AOX1: variants seen among roughly 807,000 people sequenced by gnomAD.
The protein encoded by AOX1 is aldehyde oxidase.
AOX1 carries 153 observed loss-of-function variants against 169.5 expected under a neutral mutation model. The ratio of observed to expected loss-of-function variants is 0.90; its 90% CI spans 0.79 to 1.03. The LOEUF (loss-of-function observed/expected upper bound fraction) is 1.03, where lower values mean the gene tolerates loss of function less well. Among genes scored for constraint, AOX1 ranks in the 50% least tolerant of loss-of-function variants. The probability of loss-of-function intolerance (pLI) is 0.00; values close to 1 mark genes in which losing one functional copy is unlikely to be tolerated. For missense variants in AOX1, 1,656 were observed against 1,663.9 expected, an observed-to-expected ratio of 1.00 and a Z score of 0.08; for synonymous variants, 562 against 581.9, an observed-to-expected ratio of 0.97 and a Z score of 0.49.
At chr2:200,645,751 G>A (rs2035441983) in intron 25 of AOX1, among the ~76,000 whole-genome samples, 1 of 152,118 alleles carries the variant, frequency 6.6e-6, no homozygotes, top group African/African-American at 2.4e-5. Context: ...TCTCGCTCTT[G>A]TTATTGGTCT....
At chr2:200,657,992 G>A (rs536112339) in intron 27 of AOX1, among the ~76,000 whole-genome samples, 1 of 152,264 alleles carries the variant, frequency 6.6e-6, no homozygotes, top group East Asian at 1.9e-4. Context: ...TCATTAAGCA[G>A]TCTTTACAAT....
In AOX1 at chr2:200,602,296, G is replaced by T. The variant is rs540242322; in HGVS notation, c.449G>T (p.Arg150Leu). 3.1e-6 allele frequency: 5 copies of T among 1,613,524 alleles called. No homozygotes were observed. The highest frequency in any genetic ancestry group is 4.2e-6 in the Non-Finnish European group (5 of 1,179,820). Residue 150 changes from arginine to leucine, a missense_variant, in exon 6 of 35, where the codon CGT (arginine) becomes CTT (leucine). By Grantham distance (102) the Arg-to-Leu change is moderately radical. Transcript: ENST00000374700. ...LTDALGGNLCRCTGYRPIIDA... is the reference protein window; with the variant it reads ...LTDALGGNLCLCTGYRPIIDA... ...TTTTCTCCTTCAGGTAACCTGTGCC[G>T]TTGCACTGGATACAGGCCCATAATT...
At chr2:200,588,726 CTTTTTTT>C (rs71807461) in intron 1 of AOX1, among the ~76,000 whole-genome samples, 3 of 53,984 alleles carry the variant, frequency 5.6e-5, no homozygotes, top group African/African-American at 1.8e-4. Flanking sequence ...CTAGAATAAG[CTTTTTTT>C]TTTTTTTTTT....
chr2:200,597,366 G>C (rs772354289), intron 3 of AOX1, 31 bp from the exon 4 acceptor site: 1 of 1,522,596 alleles, frequency 6.6e-7, no homozygotes, highest in Non-Finnish European at 9.0e-7. Flanking sequence ...GACATAATTT[G>C]TAATTTGTGC....
chr2:200,594,233 G>A (rs1418477024), intron 2 of AOX1, among the ~76,000 whole-genome samples: 6 of 152,138 alleles, frequency 3.9e-5, no homozygotes, highest in Non-Finnish European at 1.5e-5. Context: ...GAACCACTGG[G>A]GATGGTTGAC....
At chr2:200,661,433 C>A in intron 29 of AOX1, 146 bp from the exon 30 acceptor site, 1 of 659,172 alleles carries the variant, frequency 1.5e-6, no homozygotes, top group Admixed American at 2.7e-5. Flanking sequence ...GAGGAGAAAG[C>A]CAAAAGGAAT....
rs1277003493 is a variant in AOX1, at chr2:200,605,619, G to A, written c.898G>A (p.Ala300Thr). Residue 300 changes from alanine (A) to threonine (T), a missense_variant, in exon 10 of 35, where the codon GCA becomes ACA. Coordinates refer to ENST00000374700, the MANE Select transcript of AOX1 (RefSeq NM_001159.4). Reference sequence around the variant, plus strand: ...TGAAGAACTGAGTGTTGTAAACCATGCATATAATGGTGAGTTCTCAAGTCC... The same window carrying A: ...TGAAGAACTGAGTGTTGTAAACCATACATATAATGGTGAGTTCTCAAGTCC... ...RIEELSVVNH[A>T]YNGLTLGAGL... The A allele has an allele frequency of 6.6e-7, 1 of 1,511,234 alleles. No homozygotes were observed. The allele number at this position is 1,511,234 out of a possible 1,614,324, so 93.6% of individuals were successfully genotyped here. A position where few individuals can be genotyped will look rare whatever the true frequency, so the allele number is the denominator to read the frequency against.
intron 26 of AOX1, among the ~76,000 whole-genome samples, chr2:200,655,829 C>T (rs1338974876): frequency 3.3e-5 from 5 of 152,200 alleles, no homozygotes; most frequent in African/African-American, 7.2e-5. Context: ...TCTGGAAATG[C>T]AGTCTTTTTC....
chr2:200,659,388 C>T (rs2035765547), intron 28 of AOX1, 95 bp downstream of exon 28: 1 of 1,352,218 alleles, frequency 7.4e-7, no homozygotes, highest in African/African-American at 1.5e-5. Flanking sequence ...GTTAATCCAA[C>T]TCATATCTCC....
At chr2:200,636,824 G>T in intron 21 of AOX1, 87 bp from the exon 22 acceptor site, 2 of 1,489,138 alleles carry the variant, frequency 1.3e-6, no homozygotes, top group Admixed American at 2.2e-5. Flanking sequence ...TGTTGTTGTT[G>T]TTAAAATCAT....
chr2:200,660,733 A>G (rs1161304173), intron 29 of AOX1, among the ~76,000 whole-genome samples: 3 of 152,212 alleles, frequency 2.0e-5, no homozygotes, highest in Admixed American at 6.5e-5. Flanking sequence ...CAACCTTACA[A>G]ATACAGGTCT....
chr2:200,638,447 G>T, intron 23 of AOX1, 145 bp downstream of exon 23: 2 of 677,862 alleles, frequency 3.0e-6, no homozygotes, highest in Non-Finnish European at 5.0e-6. Context: ...TCTATTGGTT[G>T]CACTGACTTT....
At chr2:200,586,396 TC>T (rs1005072699) in intron 1 of AOX1, among the ~76,000 whole-genome samples, 9 of 152,168 alleles carry the variant, frequency 5.9e-5, no homozygotes, top group African/African-American at 1.9e-4. Context: ...TGTTCCCCTT[TC>T]CTCTCCTTCC....
intron 28 of AOX1, among the ~76,000 whole-genome samples, chr2:200,659,692 A>G (rs181313391): frequency 6.6e-6 from 1 of 152,228 alleles, no homozygotes; most frequent in Admixed American, 6.5e-5. Flanking sequence ...AAATGTGGCC[A>G]TGCCATGTCT....
downstream of AOX1, chr2:200,679,264 C>A (rs1367749221): frequency 6.6e-6 from 1 of 152,124 alleles, no homozygotes; most frequent in Non-Finnish European, 1.5e-5. Flanking sequence ...TTTAACACTG[C>A]TGCTGTCACT....
Position 200,662,936 on chromosome 2 carries a change from G to A in AOX1, c.3510G>A (p.Glu1170=), listed in dbSNP as rs985930101. 3.1e-6 allele frequency: 5 copies of A among 1,614,094 alleles called. No homozygotes were observed. The highest frequency in any genetic ancestry group is 4.2e-6 in the Non-Finnish European group (5 of 1,179,956). The part of the protein sequence containing the change: ...EYFVYGAACS[E]VEIDCLTGDH... ...TTGTTTATGGAGCTGCCTGTTCCGA[G>A]GTTGAAATAGACTGCCTGACGGGGG... The change falls in exon 31 of 35, where the codon GAG becomes GAA. Residue 1170 remains glutamate (E), a synonymous_variant. Coordinates refer to ENST00000374700, the MANE Select transcript of AOX1 (RefSeq NM_001159.4).
chr2:200,657,188 A>ATTTTTTTTT (rs1309414882), intron 27 of AOX1, among the ~76,000 whole-genome samples: 64 of 68,568 alleles, frequency 9.3e-4, no homozygotes, highest in African/African-American at 3.5e-3. Flanking sequence ...ATATATATAT[A>ATTTTTTTTT]TATTTTTTTT....
intron 26 of AOX1, among the ~76,000 whole-genome samples, chr2:200,653,423 G>A (rs1272279908): frequency 6.6e-6 from 1 of 152,178 alleles, no homozygotes; most frequent in East Asian, 1.9e-4. Context: ...ACCTGGGCTG[G>A]GGAATTTGTA....
intron 23 of AOX1, among the ~76,000 whole-genome samples, chr2:200,640,436 A>G (rs1461643735): frequency 6.6e-6 from 1 of 152,184 alleles, no homozygotes; most frequent in Non-Finnish European, 1.5e-5. Flanking sequence ...CATGAAGCAC[A>G]TGGGGTCTGA....
Sources: allele counts gnomAD v4.1 joint callset (sites outside exome capture counted in the v4.1 genomes callset), GRCh38; gene constraint gnomAD v4.1.1; transcripts MANE v1.5; gene names NCBI Gene and HGNC (gene_info 2026-07-23, HGNC 2026-07-21).